KCNQ5: variants seen among roughly 807,000 people sequenced by gnomAD.
KCNQ5 encodes potassium voltage-gated channel subfamily KQT member 5.
KCNQ5 carries 30 observed loss-of-function variants against 98.2 expected under a neutral mutation model. The ratio of observed to expected loss-of-function variants is 0.31; its 90% confidence interval spans 0.23 to 0.41. The LOEUF (loss-of-function observed/expected upper bound fraction) is 0.41. Among genes scored for constraint, KCNQ5 ranks in the 10% least tolerant of loss-of-function variants. KCNQ5 has a pLI of 1.00. For missense variants in KCNQ5, 835 were observed against 1,182.5 expected (o/e 0.71, Z 4.31); for synonymous variants, 458 against 449.4 (o/e 1.02, Z -0.24).
intron 13 of KCNQ5, 32 bp downstream of exon 13, chr6:73,192,723 G>T: frequency 2.0e-6 from 3 of 1,505,524 alleles, no homozygotes; most frequent in South Asian, 1.4e-5. Context: ...TATCTTTTTA[G>T]CCAGAATTTT....
At chr6:72,643,872 A>C (rs1765454608) in intron 1 of KCNQ5, among the ~76,000 whole-genome samples, 1 of 152,190 alleles carries the variant, frequency 6.6e-6, no homozygotes, top group Admixed American at 6.5e-5. Flanking sequence ...ATTGTTTTCT[A>C]ATTTTAAAAG....
intron 1 of KCNQ5, among the ~76,000 whole-genome samples, chr6:72,928,129 C>T (rs942534972): frequency 7.9e-5 from 12 of 151,984 alleles, no homozygotes; most frequent in African/African-American, 2.9e-4. Flanking sequence ...GAGAAGAAAC[C>T]CGTGTTTTCA....
At chr6:72,874,852 T>C (rs1778349480) in intron 1 of KCNQ5, among the ~76,000 whole-genome samples, 1 of 152,226 alleles carries the variant, frequency 6.6e-6, no homozygotes, top group South Asian at 2.1e-4. Context: ...ATTACATCTG[T>C]ACAAAATGGA....
At chr6:73,172,379 A>G (rs1778045290) in intron 11 of KCNQ5, among the ~76,000 whole-genome samples, 1 of 152,232 alleles carries the variant, frequency 6.6e-6, no homozygotes, top group Non-Finnish European at 1.5e-5. Context: ...AAAAATAAAA[A>G]TAAAGAGAAT....
chr6:72,840,619 G>A (rs1165658771), intron 1 of KCNQ5, among the ~76,000 whole-genome samples: 1 of 152,058 alleles, frequency 6.6e-6, no homozygotes, highest in Non-Finnish European at 1.5e-5. Flanking sequence ...CAAGCCCCCC[G>A]GCTAGTTGTT....
intron 1 of KCNQ5, among the ~76,000 whole-genome samples, chr6:72,780,027 A>G (rs1275305285): frequency 6.6e-6 from 1 of 152,160 alleles, no homozygotes; most frequent in East Asian, 1.9e-4. Context: ...AATTGGGATC[A>G]GCAACAATCT....
intron 2 of KCNQ5, among the ~76,000 whole-genome samples, chr6:73,006,999 C>T (rs1448903439): frequency 6.6e-6 from 1 of 152,092 alleles, no homozygotes; most frequent in African/African-American, 2.4e-5. Context: ...AGGGCACCAG[C>T]GTGTTAGGTG....
intron 1 of KCNQ5, among the ~76,000 whole-genome samples, chr6:72,972,146 G>C (rs1767934744): frequency 6.6e-6 from 1 of 152,094 alleles, no homozygotes; most frequent in South Asian, 2.1e-4. Flanking sequence ...ACCAACAAGT[G>C]CCTCAGCCCC....
chr6:73,007,981 T>C lies in KCNQ5; in HGVS notation c.489+3983T>C, dbSNP rs531654139. 3.4e-4 allele frequency among the ~76,000 whole-genome samples: 51 copies of C among 152,200 alleles called. 1 individual carries two copies. In the South Asian group the frequency reaches 0.01, roughly 30 times the overall value. ...TAACTGAAAGGTGTAGGGCTAGAGA[T>C]GTAAAGGAGCAGAGTTTTTGTATGC... On this transcript the variant is annotated intron_variant, in intron 2 of 13. Coordinates refer to ENST00000370398, the MANE Select transcript of KCNQ5 (RefSeq NM_019842.4).
chr6:72,655,380 T>C (rs1368609475), intron 1 of KCNQ5, among the ~76,000 whole-genome samples: 1 of 152,012 alleles, frequency 6.6e-6, no homozygotes, highest in South Asian at 2.1e-4. Flanking sequence ...GAGACAGTTA[T>C]ATAAATGATA....
At chr6:72,769,686 G>A (rs1053867946) in intron 1 of KCNQ5, among the ~76,000 whole-genome samples, 2 of 151,942 alleles carry the variant, frequency 1.3e-5, no homozygotes, top group African/African-American at 2.4e-5. Context: ...CATACAGAAG[G>A]AAAAACAAAC....
At chr6:73,087,333 A>G (rs1339697988) in intron 5 of KCNQ5, among the ~76,000 whole-genome samples, 4 of 152,182 alleles carry the variant, frequency 2.6e-5, no homozygotes, top group African/African-American at 4.8e-5. Flanking sequence ...AATAGTTAGG[A>G]TGATTCTGAG....
chr6:72,670,976 A>C (rs556803931), intron 1 of KCNQ5, among the ~76,000 whole-genome samples: 5 of 152,196 alleles, frequency 3.3e-5, no homozygotes, highest in Non-Finnish European at 7.3e-5. Flanking sequence ...AAAACACTAG[A>C]GCACAATTCA....
intron 1 of KCNQ5, among the ~76,000 whole-genome samples, chr6:72,737,535 G>A (rs1770912435): frequency 6.6e-6 from 1 of 152,056 alleles, no homozygotes; most frequent in Non-Finnish European, 1.5e-5. Context: ...GAGTGTCTGA[G>A]AGAAGGCTTG....
chr6:72,865,281 T>C (rs879755253), intron 1 of KCNQ5, among the ~76,000 whole-genome samples: 15 of 152,210 alleles, frequency 9.9e-5, no homozygotes, highest in Non-Finnish European at 2.1e-4. Flanking sequence ...ATAGACTCTA[T>C]TTCATTCAAG....
intron 1 of KCNQ5, among the ~76,000 whole-genome samples, chr6:72,772,150 C>G (rs1027099729): frequency 3.3e-5 from 5 of 152,078 alleles, no homozygotes; most frequent in East Asian, 1.9e-4. Context: ...AGCAAATTCT[C>G]TATCTTGACT....
At chr6:72,843,823 G>T (rs1173451345) in intron 1 of KCNQ5, among the ~76,000 whole-genome samples, 4 of 152,172 alleles carry the variant, frequency 2.6e-5, no homozygotes, top group Non-Finnish European at 5.9e-5. Flanking sequence ...TAAAGAAAAT[G>T]TGGCACTTAT....
intron 1 of KCNQ5, among the ~76,000 whole-genome samples, chr6:72,695,366 T>C (rs975899582): frequency 3.3e-5 from 5 of 152,206 alleles, no homozygotes; most frequent in African/African-American, 1.2e-4. Context: ...TTAAGCTTAC[T>C]GAAAAGTACA....
intron 1 of KCNQ5, among the ~76,000 whole-genome samples, chr6:72,907,107 A>G (rs1265286719): frequency 1.3e-5 from 2 of 152,194 alleles, no homozygotes; most frequent in East Asian, 3.9e-4. Context: ...TGAATCACGT[A>G]AGAATTTCAA....
Sources: allele counts gnomAD v4.1 joint callset (sites outside exome capture counted in the v4.1 genomes callset), GRCh38; gene constraint gnomAD v4.1.1; transcripts MANE v1.5; gene names NCBI Gene and HGNC (gene_info 2026-07-23, HGNC 2026-07-21).